PODXL: variants seen among roughly 807,000 people sequenced by gnomAD.
PODXL encodes podocalyxin.
PODXL carries 20 observed loss-of-function variants against 48.9 expected under a neutral mutation model. The ratio of observed to expected loss-of-function variants is 0.41; its 90% confidence interval spans 0.29 to 0.59. The LOEUF (loss-of-function observed/expected upper bound fraction) is 0.59. PODXL is among the 20% of genes least tolerant of loss of function. The pLI is 0.31. For missense variants in PODXL, 606 were observed against 675.1 expected (o/e 0.90, Z 1.13); for synonymous variants, 295 against 287.4 (o/e 1.03, Z -0.27).
chr7:131,529,842 C>G (rs1198675620), intron 1 of PODXL, among the ~76,000 whole-genome samples: 1 of 152,034 alleles, frequency 6.6e-6, no homozygotes, highest in Non-Finnish European at 1.5e-5. Context: ...TACGCACTCT[C>G]CTGAGCACGA....
chr7:131,513,436 C>T (rs1040435666), intron 1 of PODXL, among the ~76,000 whole-genome samples: 4 of 152,170 alleles, frequency 2.6e-5, no homozygotes, highest in African/African-American at 9.7e-5. Flanking sequence ...GGCTGCATCC[C>T]GTACTCTGTG....
chr7:131,524,375 CACACAGAGAGAG>C (rs1401520997), intron 1 of PODXL, among the ~76,000 whole-genome samples: 10 of 25,284 alleles, frequency 4.0e-4, no homozygotes, highest in Admixed American at 2.8e-3. Context: ...CACACACACA[CACACAGAGAGAG>C]AGAGAGAGAG....
intron 1 of PODXL, 31 bp downstream of exon 1, chr7:131,556,229 A>C: frequency 6.9e-7 from 1 of 1,448,556 alleles, no homozygotes. Flanking sequence ...GCACGGTGGG[A>C]GTCCCGGCGG....
At chr7:131,525,213 A>G (rs906399073) in intron 1 of PODXL, among the ~76,000 whole-genome samples, 33 of 152,168 alleles carry the variant, frequency 2.2e-4, no homozygotes, top group African/African-American at 1.4e-4. Flanking sequence ...CTTAATGTCA[A>G]TTTAGAAAAA....
chr7:131,541,705 A>G (rs541443929), intron 1 of PODXL, among the ~76,000 whole-genome samples: 9 of 151,914 alleles, frequency 5.9e-5, no homozygotes, highest in African/African-American at 2.2e-4. Context: ...CAAACCAAGT[A>G]AGTGGATATC....
At chr7:131,520,522 G>A (rs1798074651) in intron 1 of PODXL, 1 of 162,764 alleles carries the variant, frequency 6.1e-6, no homozygotes, top group South Asian at 1.7e-4. Flanking sequence ...GCTGACTGTC[G>A]AATATGTCAA....
intron 1 of PODXL, among the ~76,000 whole-genome samples, chr7:131,516,603 A>G (rs1362289995): frequency 6.6e-6 from 1 of 152,166 alleles, no homozygotes; most frequent in African/African-American, 2.4e-5. Flanking sequence ...GAGAACTCAA[A>G]TGACACTCCC....
At position 131,511,246 on chromosome 7, in the gene PODXL, A is replaced by G. The variant is rs375735470; in HGVS notation, c.288T>C (p.Ala96=). 1.2e-6 allele frequency: 2 copies of G among 1,613,610 alleles called. No homozygotes were observed. Among genetic ancestry groups the G allele is most frequent in the Non-Finnish European group, 1.7e-6 (2 of 1,179,950 alleles). ...TGTTGACTGGGCCTGAGACTTGCTG[A>G]GCCAGGGTTGTAGTCCCCGGTGAGT... The part of the protein sequence containing the change: ...SSDSPGTTTL[A]QQVSGPVNTT... Residue 96 remains alanine, a synonymous_variant, in exon 2 of 9, where the codon GCT becomes GCC. Transcript: ENST00000378555.
In PODXL at chr7:131,556,270, G is replaced by GGGCGAT. The variant is rs1554391083; in HGVS notation, c.89_90insATCGCC (p.Pro30_Ser31dup). The stretch of plus-strand genomic sequence containing the variant: ...AGGCCGGCCACTCACCATTCTGGGA[G>GGGCGAT]GGCGACGGCGACGGCGACGGCGACG... On this transcript the variant is annotated inframe_insertion, in exon 1 of 9. Coordinates refer to ENST00000378555, the MANE Select transcript of PODXL (RefSeq NM_001018111.3). 2 of 1,462,636 alleles carry GGGCGAT rather than the reference G, an allele frequency of 1.4e-6. No individual in the cohort carries two copies. Among genetic ancestry groups the GGGCGAT allele is most frequent in the African/African-American group, 1.5e-5 (1 of 67,794 alleles). The allele number at this position is 1,462,636 out of a possible 1,614,324, so 90.6% of individuals were successfully genotyped here.
rs774455030 is a variant in PODXL at position 131,509,939 on chromosome 7, T to TGGCAG, written c.802+292_802+296dup. Among the ~76,000 whole-genome samples the TGGCAG allele has an allele frequency of 3.4e-3, 520 of 152,312 alleles. 5 individuals are homozygous for TGGCAG. Among genetic ancestry groups the TGGCAG allele is most frequent in the Non-Finnish European group, 4.4e-3 (298 of 68,016 alleles). On this transcript the variant is annotated intron_variant, in intron 3 of 8. Coordinates refer to ENST00000378555, the MANE Select transcript of PODXL (RefSeq NM_001018111.3). ...TTTGCCCGAGTTCCTGTGCCAACAA[T>TGGCAG]GGCAGGGCAGGGATTCGAAGCCAGG...
chr7:131,509,326 T>C (rs1194398232), intron 4 of PODXL, 39 bp downstream of exon 4: 1 of 1,484,834 alleles, frequency 6.7e-7, no homozygotes, highest in South Asian at 1.1e-5. Context: ...TCTACCCGAG[T>C]CTGGGTTCTC....
chr7:131,553,853 C>T (rs1040740654), intron 1 of PODXL, among the ~76,000 whole-genome samples: 7 of 152,136 alleles, frequency 4.6e-5, no homozygotes, highest in African/African-American at 1.2e-4. Flanking sequence ...AATAACGAAA[C>T]GGAGGCACGG....
chr7:131,548,327 C>T (rs1435087376), intron 1 of PODXL, among the ~76,000 whole-genome samples: 1 of 152,264 alleles, frequency 6.6e-6, no homozygotes, highest in Non-Finnish European at 1.5e-5. Flanking sequence ...CTCTCTGCTT[C>T]CTCCTTGTAA....
chr7:131,521,167 A>AT (rs1798086378), intron 1 of PODXL, among the ~76,000 whole-genome samples: 1 of 151,496 alleles, frequency 6.6e-6, no homozygotes, highest in African/African-American at 2.4e-5. Flanking sequence ...CAAAAAAAAA[A>AT]AAAAAGCTGA....
chr7:131,556,437 G>A lies in PODXL; in HGVS notation c.-78C>T. The stretch of plus-strand genomic sequence containing the variant: ...CCGCGCGTCCGGGCGGTAGGAGCGT[G>A]GGCGCCGCCCGGGGAGGCCTGTGGG... On this transcript the variant is annotated 5_prime_UTR_variant, in exon 1 of 9. Transcript: ENST00000378555. 5 of 1,298,354 alleles carry A rather than the reference G, an allele frequency of 3.9e-6. No homozygotes were observed. The highest frequency in any genetic ancestry group is 4.9e-6 in the Non-Finnish European group (5 of 1,024,270). 80.4% of individuals were successfully genotyped at this position (1,298,354 alleles called of 1,614,324 possible).
chr7:131,544,762 A>T (rs763775553), intron 1 of PODXL, among the ~76,000 whole-genome samples: 1 of 152,188 alleles, frequency 6.6e-6, no homozygotes, highest in Non-Finnish European at 1.5e-5. Flanking sequence ...ACCTGCGAGT[A>T]GTGCCTTAGG....
At chr7:131,543,704 G>A (rs972834612) in intron 1 of PODXL, among the ~76,000 whole-genome samples, 1 of 152,126 alleles carries the variant, frequency 6.6e-6, no homozygotes, top group Non-Finnish European at 1.5e-5. Flanking sequence ...TTGGACAGGG[G>A]AAAGGGAGGC....
At chr7:131,545,233 G>A (rs1798554654) in intron 1 of PODXL, among the ~76,000 whole-genome samples, 1 of 152,102 alleles carries the variant, frequency 6.6e-6, no homozygotes, top group Non-Finnish European at 1.5e-5. Context: ...ACTCTTGAGG[G>A]GCCACCAGCC....
chr7:131,545,435 ACTCTAAGT>A (rs1390787078), intron 1 of PODXL, among the ~76,000 whole-genome samples: 2 of 152,266 alleles, frequency 1.3e-5, no homozygotes, highest in East Asian at 3.9e-4. Flanking sequence ...GGGTTTTAGT[ACTCTAAGT>A]CCCACATCCC....
Sources: allele counts gnomAD v4.1 joint callset (sites outside exome capture counted in the v4.1 genomes callset), GRCh38; gene constraint gnomAD v4.1.1; transcripts MANE v1.5; gene names NCBI Gene and HGNC (gene_info 2026-07-23, HGNC 2026-07-21).